The following GFRA2 variants were observed in gnomAD, a reference collection of about 807,000 sequenced individuals.
The protein encoded by GFRA2 is GDNF family receptor alpha-2.
A neutral mutation model predicts 48.3 loss-of-function variants in GFRA2; 17 were observed. The ratio of observed to expected loss-of-function variants is 0.35; its 90% CI spans 0.24 to 0.53. The LOEUF is 0.53. Ranked by LOEUF, GFRA2 falls within the 20% of genes least tolerant of loss-of-function variation. The pLI is 0.93. For missense variants in GFRA2, 660 were observed against 637.3 expected, an observed-to-expected ratio of 1.04 and a Z score of -0.38; for synonymous variants, 305 against 257.2, an observed-to-expected ratio of 1.19 and a Z score of -1.78.
chr8:21,766,832 T>C, intron 3 of GFRA2, among the ~76,000 whole-genome samples: 3 of 332 alleles, frequency 9.0e-3, no homozygotes, highest in African/African-American at 0.014. Context: ...TCCACACACC[T>C]CATGCACATC....
chr8:21,773,935 C>G (rs372871974), intron 3 of GFRA2, among the ~76,000 whole-genome samples: 3 of 152,144 alleles, frequency 2.0e-5, no homozygotes, highest in East Asian at 3.9e-4. Context: ...ACTCACAGGA[C>G]GGCTCCTCCC....
intron 4 of GFRA2, among the ~76,000 whole-genome samples, chr8:21,709,501 C>A (rs1424573872): frequency 1.3e-5 from 2 of 152,220 alleles, no homozygotes; most frequent in African/African-American, 2.4e-5. Flanking sequence ...ACACATCGAG[C>A]CCTGCCGCGT....
Position 21,776,324 on chromosome 8 carries a change from A to G in GFRA2, c.356-1269T>C, listed in dbSNP as rs376763447. ...CCAAGAAATGGGGCAGCCCCAGAGG[A>G]CAAGGAGGAAGCATATTCCCTGCAT... is the stretch of plus-strand genomic sequence containing the variant. On this transcript the variant is annotated intron_variant, in intron 2 of 8. Transcript: ENST00000524240. Among the ~76,000 whole-genome samples, 875 of 151,338 alleles carry G rather than the reference A, an allele frequency of 5.8e-3. 6 individuals are homozygous for G. Among genetic ancestry groups the G allele is most frequent in the African/African-American group, 0.02 (829 of 41,222 alleles).
rs1207327304 is a variant in GFRA2 at position 21,788,446 on chromosome 8, A to T, written c.-287T>A. The T allele has an allele frequency of 4.3e-6, 5 of 1,171,948 alleles. No individual in the cohort carries two copies. The East Asian group carries it at 1.7e-4, about 41-fold the overall frequency. The allele number at this position is 1,171,948 out of a possible 1,614,324, so 72.6% of individuals were successfully genotyped here. ...TATCGGCTTTCTAAGCCAACAGCCC[A>T]GTCCTGGGGTCAGCCCTCCCCTCCA... On this transcript the variant is annotated 5_prime_UTR_variant, in exon 1 of 9. Coordinates refer to ENST00000524240, the MANE Select transcript of GFRA2 (RefSeq NM_001495.5).
At chr8:21,739,602 T>A (rs1468357141) in intron 4 of GFRA2, among the ~76,000 whole-genome samples, 4 of 152,082 alleles carry the variant, frequency 2.6e-5, no homozygotes, top group Non-Finnish European at 5.9e-5. Context: ...GAGAGCTGGA[T>A]CCAGGACACC....
At chr8:21,780,242 G>C (rs886189556) in intron 2 of GFRA2, among the ~76,000 whole-genome samples, 1 of 151,994 alleles carries the variant, frequency 6.6e-6, no homozygotes, top group Non-Finnish European at 1.5e-5. Flanking sequence ...TACGATGGCC[G>C]ATGGCCGGCA....
At chr8:21,703,233 G>A (rs1802572482) in intron 6 of GFRA2, among the ~76,000 whole-genome samples, 1 of 152,108 alleles carries the variant, frequency 6.6e-6, no homozygotes, top group South Asian at 2.1e-4. Flanking sequence ...TACATGATGG[G>A]GAACACAGAA....
intron 4 of GFRA2, among the ~76,000 whole-genome samples, chr8:21,737,662 C>T (rs954432297): frequency 6.6e-6 from 1 of 152,160 alleles, no homozygotes; most frequent in African/African-American, 2.4e-5. Flanking sequence ...TCCTGCCTCC[C>T]CCTCCTGTCC....
chr8:21,789,161 C>G (rs1700599543), upstream of GFRA2: 1 of 163,530 alleles, frequency 6.1e-6, no homozygotes, highest in Non-Finnish European at 1.3e-5. Context: ...GAGAGGAGAG[C>G]CCAGCCGCCG....
intron 4 of GFRA2, among the ~76,000 whole-genome samples, chr8:21,732,198 T>C (rs1337384427): frequency 6.6e-6 from 1 of 152,220 alleles, no homozygotes; most frequent in Non-Finnish European, 1.5e-5. Context: ...ATGAGATGTG[T>C]TTTCCCTTCG....
In GFRA2 at chr8:21,693,047, C is replaced by T; in HGVS notation, c.*231G>A. 2.7e-6 allele frequency: 1 copy of T among 368,562 alleles called. No individual in the cohort carries two copies. Among genetic ancestry groups the T allele is most frequent in the South Asian group, 4.8e-5 (1 of 20,644 alleles). The allele number at this position is 368,562 out of a possible 1,614,324, so 22.8% of individuals were successfully genotyped here. ...GTGCCCTCCCCGGCACCAGAGTTTC[C>T]CCTGCCAGGGGACCCCTGGGCCAGC... is the stretch of plus-strand genomic sequence containing the variant. On this transcript the variant is annotated 3_prime_UTR_variant, in exon 9 of 9. Transcript: ENST00000524240.
chr8:21,709,760 C>G (rs1297639981), intron 4 of GFRA2, among the ~76,000 whole-genome samples: 5 of 152,172 alleles, frequency 3.3e-5, no homozygotes, highest in Non-Finnish European at 7.4e-5. Context: ...CCTTGCTTCC[C>G]TCCCGCAAGG....
At chr8:21,719,349 C>T (rs370584620) in intron 4 of GFRA2, among the ~76,000 whole-genome samples, 10 of 152,124 alleles carry the variant, frequency 6.6e-5, no homozygotes, top group Non-Finnish European at 1.2e-4. Flanking sequence ...CACTCCTTCA[C>T]GTCCTCCAAA....
chr8:21,758,425 C>T (rs569975168), intron 3 of GFRA2, among the ~76,000 whole-genome samples: 1 of 152,224 alleles, frequency 6.6e-6, no homozygotes, highest in African/African-American at 2.4e-5. Flanking sequence ...GTAAAGCTTC[C>T]CAGCCAATGG....
intron 3 of GFRA2, among the ~76,000 whole-genome samples, chr8:21,760,404 C>A (rs1805845603): frequency 6.6e-6 from 1 of 152,012 alleles, no homozygotes; most frequent in African/African-American, 2.4e-5. Flanking sequence ...ACCCATTCTG[C>A]ATATAATTTA....
chr8:21,787,875 G>A (rs1807360945), intron 1 of GFRA2, among the ~76,000 whole-genome samples: 1 of 152,154 alleles, frequency 6.6e-6, no homozygotes, highest in Non-Finnish European at 1.5e-5. Context: ...CACAGTGTCT[G>A]CGGGGCTGGT....
At chr8:21,811,216 C>T (rs887233213) in intron 1 of GFRA2, among the ~76,000 whole-genome samples, 11 of 152,108 alleles carry the variant, frequency 7.2e-5, no homozygotes, top group African/African-American at 2.4e-4. Context: ...CTTTCTGCCT[C>T]GGGCCTCCCC....
intron 4 of GFRA2, among the ~76,000 whole-genome samples, chr8:21,731,072 C>T (rs1460839883): frequency 1.7e-4 from 26 of 152,030 alleles, no homozygotes; most frequent in Admixed American, 1.7e-3. Context: ...GGCCCTGCCA[C>T]CATGTGATCC....
At chr8:21,766,131 G>A (rs1467397883) in intron 3 of GFRA2, among the ~76,000 whole-genome samples, 1 of 152,002 alleles carries the variant, frequency 6.6e-6, no homozygotes, top group Non-Finnish European at 1.5e-5. Context: ...GCTTCCCTGG[G>A]TCCCACCCTC....
Sources: gnomAD v4.1 joint callset for allele counts (sites outside exome capture counted in the v4.1 genomes callset) on GRCh38, gnomAD v4.1.1 for gene constraint, MANE v1.5 for transcripts, NCBI Gene and HGNC (gene_info 2026-07-23, HGNC 2026-07-21) for gene names.